Variants in RTL9 observed in about 807,000 individuals in gnomAD.
RTL9 encodes the protein retrotransposon Gag-like protein 9.
A neutral mutation model predicts 44.7 loss-of-function variants in RTL9; 19 were observed. The observed-to-expected ratio is 0.42, with a 90% CI of 0.30 to 0.62. The LOEUF (loss-of-function observed/expected upper bound fraction) is 0.62, where lower values mean the gene tolerates loss of function less well. Among genes scored for constraint, RTL9 ranks in the 20% least tolerant of loss-of-function variants. The pLI is 0.16. For missense variants in RTL9, 1,105 were observed against 1,080.6 expected (o/e 1.02, Z -0.32); for synonymous variants, 407 against 398.9 (o/e 1.02, Z -0.24).
In RTL9 at chrX:110,433,298, G is replaced by T. The variant is rs146565746; in HGVS notation, c.-167-11855G>T. ...CGTATCCTCAAAGAAGTGATAACTT[G>T]AATGGGGAAACAACTCTTAGATACC... is the stretch of plus-strand genomic sequence containing the variant. On this transcript the variant is annotated intron_variant, in intron 1 of 3. Transcript: ENST00000465301. Among the ~76,000 whole-genome samples the T allele has an allele frequency of 1.9e-4, 21 of 112,465 alleles. No homozygotes were observed. The East Asian group carries it at 5.8e-3, about 31-fold the overall frequency.
chrX:110,373,634 T>C (rs1393711330), intron 1 of RTL9, among the ~76,000 whole-genome samples: 1 of 112,506 alleles, frequency 8.9e-6, no homozygotes, highest in African/African-American at 3.2e-5. Context: ...CTACAGATAA[T>C]ACAGTAATCT....
chrX:110,425,478 C>G (rs1331363539), intron 1 of RTL9, among the ~76,000 whole-genome samples: 1 of 112,965 alleles, frequency 8.9e-6, no homozygotes, highest in Non-Finnish European at 1.9e-5. Flanking sequence ...CCATAAATAA[C>G]CACTTTAATG....
chrX:110,429,458 GTTT>G (rs554736940), intron 1 of RTL9, among the ~76,000 whole-genome samples: 23 of 80,904 alleles, frequency 2.8e-4, no homozygotes, highest in African/African-American at 9.0e-4. Context: ...GAGAAAAAGT[GTTT>G]TTTTTTTTTT....
chrX:110,381,098 T>G (rs2068415524), intron 1 of RTL9, among the ~76,000 whole-genome samples: 1 of 112,096 alleles, frequency 8.9e-6, no homozygotes, highest in Admixed American at 9.4e-5. Flanking sequence ...AGGTGGGATC[T>G]AATTAAACCA....
At chrX:110,388,473 T>C (rs1429638845) in intron 1 of RTL9, among the ~76,000 whole-genome samples, 1 of 111,497 alleles carries the variant, frequency 9.0e-6, no homozygotes, top group Non-Finnish European at 1.9e-5. Context: ...AGGGAGGAGA[T>C]CATTATGTAG....
At chrX:110,375,662 A>G (rs977668327) in intron 1 of RTL9, among the ~76,000 whole-genome samples, 4 of 112,144 alleles carry the variant, frequency 3.6e-5, no homozygotes, top group Non-Finnish European at 7.5e-5. Context: ...TGAACTTAAA[A>G]CACTGAGCAA....
chrX:110,447,770 C>T (rs1056101512), upstream of RTL9, among the ~76,000 whole-genome samples: 2 of 110,619 alleles, frequency 1.8e-5, no homozygotes, highest in Non-Finnish European at 3.8e-5. Flanking sequence ...TTTATAACGA[C>T]CTGAATGCCT....
chrX:110,414,115 C>T (rs903679561), upstream of RTL9, among the ~76,000 whole-genome samples: 3 of 111,901 alleles, frequency 2.7e-5, no homozygotes, highest in Non-Finnish European at 1.9e-5. Context: ...GAGGCAAAAT[C>T]CTAAGTCTGG....
chrX:110,383,798 A>G (rs781599653), intron 1 of RTL9, among the ~76,000 whole-genome samples: 26 of 111,459 alleles, frequency 2.3e-4, no homozygotes, highest in African/African-American at 8.1e-4. Flanking sequence ...ATTTTTCCAT[A>G]TCCCTTTGAT....
chrX:110,452,788 G>C, exon 1 of RTL9: 1 of 1,211,531 alleles, frequency 8.3e-7, no homozygotes, highest in Non-Finnish European at 1.1e-6. Context: ...CAGCCAATGA[G>C]CACCCAAGAT....
chrX:110,377,785 G>A (rs1257614389), intron 1 of RTL9, among the ~76,000 whole-genome samples: 2 of 109,133 alleles, frequency 1.8e-5, no homozygotes, highest in Non-Finnish European at 3.8e-5. Flanking sequence ...CGAGGCGGGC[G>A]GATCACGAGG....
At chrX:110,410,777 A>T (rs1158262799) in intron 1 of RTL9, among the ~76,000 whole-genome samples, 1 of 111,107 alleles carries the variant, frequency 9.0e-6, no homozygotes, top group Non-Finnish European at 1.9e-5. Context: ...AACCTTTTGG[A>T]TCCTAGATAT....
upstream of RTL9, among the ~76,000 whole-genome samples, chrX:110,449,459 G>GCATGGGCAGGCTGTGGGGAC (rs1185330086): frequency 8.9e-6 from 1 of 112,399 alleles, no homozygotes; most frequent in African/African-American, 3.2e-5. Context: ...TCTGCTTTTG[G>GCATGGGCAGGCTGTGGGGAC]CATGGGCAGG....
At chrX:110,406,203 A>C in intron 1 of RTL9, among the ~76,000 whole-genome samples, 1 of 108,732 alleles carries the variant, frequency 9.2e-6, no homozygotes, top group Non-Finnish European at 1.9e-5. Flanking sequence ...GGTTTGCTGC[A>C]CCCATCTACC....
At chrX:110,423,761 C>T (rs1231142034) in intron 1 of RTL9, among the ~76,000 whole-genome samples, 5 of 112,301 alleles carry the variant, frequency 4.5e-5, no homozygotes, top group African/African-American at 6.5e-5. Flanking sequence ...GAAATAGCAG[C>T]TTCTCTCTAT....
chrX:110,401,272 G>A (rs1328530295), intron 1 of RTL9, among the ~76,000 whole-genome samples: 1 of 110,757 alleles, frequency 9.0e-6, no homozygotes, highest in African/African-American at 3.3e-5. Flanking sequence ...TGGGCAAAAT[G>A]GTGAAATAAG....
intron 1 of RTL9, among the ~76,000 whole-genome samples, chrX:110,383,356 G>A (rs1416627618): frequency 9.0e-6 from 1 of 111,421 alleles, no homozygotes; most frequent in Non-Finnish European, 1.9e-5. Context: ...TGTTTCCCAA[G>A]CTTGGAGAGA....
At chrX:110,424,331 A>G (rs2068739479) in intron 1 of RTL9, among the ~76,000 whole-genome samples, 1 of 111,426 alleles carries the variant, frequency 9.0e-6, no homozygotes, top group African/African-American at 3.3e-5. Flanking sequence ...TGCTACTACT[A>G]TTACTACTAC....
intron 1 of RTL9, among the ~76,000 whole-genome samples, chrX:110,383,858 T>C (rs2068436776): frequency 8.9e-6 from 1 of 111,894 alleles, no homozygotes; most frequent in Non-Finnish European, 1.9e-5. Context: ...AGGGATGGGC[T>C]CTGGAGGCAG....
Sources: gnomAD v4.1 joint callset for allele counts (sites outside exome capture counted in the v4.1 genomes callset) on GRCh38, gnomAD v4.1.1 for gene constraint, MANE v1.5 for transcripts, NCBI Gene and HGNC (gene_info 2026-07-23, HGNC 2026-07-21) for gene names.